DLGAP2: variants seen among roughly 807,000 people sequenced by gnomAD.
DLGAP2 encodes the protein DLG associated protein 2, also known as disks large-associated protein 2.
DLGAP2 carries 26 observed loss-of-function variants against 100.3 expected under a neutral mutation model. The ratio of observed to expected loss-of-function variants is 0.26; its 90% CI spans 0.19 to 0.36. The LOEUF (loss-of-function observed/expected upper bound fraction) is 0.36. Among genes scored for constraint, DLGAP2 ranks in the 10% least tolerant of loss-of-function variants. The pLI, the probability that DLGAP2 is intolerant of heterozygous loss-of-function variation, is 1.00. For missense variants in DLGAP2, 1,858 were observed against 1,453.2 expected (o/e 1.28, Z -4.53); for synonymous variants, 886 against 630.1 (o/e 1.41, Z -6.08).
intron 1 of DLGAP2, among the ~76,000 whole-genome samples, chr8:782,647 TGTC>T (rs1365377062): frequency 6.6e-6 from 1 of 152,222 alleles, no homozygotes; most frequent in Non-Finnish European, 1.5e-5. Context: ...AGAGTTTATG[TGTC>T]AAGGCAGTTG....
chr8:1,281,323 C>T (rs537811018), intron 3 of DLGAP2, among the ~76,000 whole-genome samples: 1 of 152,282 alleles, frequency 6.6e-6, no homozygotes, highest in Non-Finnish European at 1.5e-5. Context: ...GCCTCCGCCC[C>T]TCGCTCCCGG....
intron 1 of DLGAP2, among the ~76,000 whole-genome samples, chr8:741,068 T>C (rs1820469106): frequency 1.3e-5 from 2 of 152,192 alleles, no homozygotes; most frequent in African/African-American, 4.8e-5. Flanking sequence ...TACCAACTAG[T>C]TTTCATCATA....
At chr8:1,426,124 C>T (rs1797230584) in intron 3 of DLGAP2, among the ~76,000 whole-genome samples, 2 of 152,254 alleles carry the variant, frequency 1.3e-5, no homozygotes, top group Non-Finnish European at 2.9e-5. Context: ...AAGAAACCGG[C>T]TCAGCTGCTG....
intron 2 of DLGAP2, among the ~76,000 whole-genome samples, chr8:1,252,189 G>T (rs1441721002): frequency 1.3e-5 from 2 of 151,990 alleles, no homozygotes; most frequent in Non-Finnish European, 2.9e-5. Context: ...CGGTGTCACA[G>T]TCGTGTCATG....
At chr8:1,096,546 C>G (rs1485781292) in intron 2 of DLGAP2, among the ~76,000 whole-genome samples, 1 of 151,906 alleles carries the variant, frequency 6.6e-6, no homozygotes, top group South Asian at 2.1e-4. Flanking sequence ...AGGCCCACCT[C>G]CCTGTGCTCA....
At chr8:817,064 C>G (rs946810337) in intron 1 of DLGAP2, among the ~76,000 whole-genome samples, 2 of 151,374 alleles carry the variant, frequency 1.3e-5, no homozygotes, top group Non-Finnish European at 2.9e-5. Context: ...AGGTGTGAAC[C>G]TGGGAGGCGG....
At chr8:1,274,690 T>G (rs1799647441) in intron 3 of DLGAP2, among the ~76,000 whole-genome samples, 1 of 141,978 alleles carries the variant, frequency 7.0e-6, no homozygotes, top group Non-Finnish European at 1.5e-5. Flanking sequence ...GTTGTTTTCA[T>G]TTATCTTTTT....
intron 3 of DLGAP2, among the ~76,000 whole-genome samples, chr8:1,446,133 T>C (rs200741223): frequency 0.081 from 12,274 of 152,060 alleles, 740 homozygotes; most frequent in East Asian, 0.28. Flanking sequence ...TTGTTGCCAT[T>C]GCTTTTGGTG....
chr8:1,576,280 C>A (rs1414572997), intron 6 of DLGAP2, among the ~76,000 whole-genome samples: 1 of 152,188 alleles, frequency 6.6e-6, no homozygotes, highest in Admixed American at 6.5e-5. Context: ...TGAGAAGTGT[C>A]TGTTCATGTC....
At chr8:1,017,519 G>A (rs1402971371) in intron 2 of DLGAP2, among the ~76,000 whole-genome samples, 2 of 105,108 alleles carry the variant, frequency 1.9e-5, no homozygotes, top group Non-Finnish European at 1.9e-5. Flanking sequence ...CAGGACAGAC[G>A]CCTCCACTGT....
chr8:1,480,698 A>C (rs1356681092), intron 3 of DLGAP2, among the ~76,000 whole-genome samples: 1 of 143,696 alleles, frequency 7.0e-6, no homozygotes, highest in Non-Finnish European at 1.5e-5. Flanking sequence ...AATAATAATA[A>C]AAAAAAAAAC....
At chr8:1,460,465 G>T (rs1798441933) in intron 3 of DLGAP2, among the ~76,000 whole-genome samples, 1 of 152,152 alleles carries the variant, frequency 6.6e-6, no homozygotes, top group African/African-American at 2.4e-5. Flanking sequence ...TCGCTTTACT[G>T]ATGAAGCCAG....
intron 3 of DLGAP2, among the ~76,000 whole-genome samples, chr8:1,276,066 AAT>A (rs1299587676): frequency 2.1e-4 from 29 of 141,144 alleles, no homozygotes; most frequent in African/African-American, 7.3e-4. Context: ...TATAAAAATA[AAT>A]ATATAATATA....
intron 4 of DLGAP2, among the ~76,000 whole-genome samples, chr8:1,548,057 A>G (rs1262961544): frequency 1.3e-5 from 2 of 152,184 alleles, no homozygotes; most frequent in Non-Finnish European, 2.9e-5. Context: ...TAATACCACA[A>G]AATCCGGCTG....
At chr8:1,417,251 C>T (rs976232304) in intron 3 of DLGAP2, among the ~76,000 whole-genome samples, 1 of 113,128 alleles carries the variant, frequency 8.8e-6, no homozygotes, top group South Asian at 2.6e-4. Flanking sequence ...GTGGGGAGAC[C>T]GGCATTCATT....
intron 2 of DLGAP2, among the ~76,000 whole-genome samples, chr8:1,224,168 G>A: frequency 6.6e-6 from 1 of 152,154 alleles, no homozygotes. Context: ...AAGAGGAATT[G>A]CAAGAAAATG....
chr8:1,623,756 C>A (rs1377626511), intron 6 of DLGAP2, among the ~76,000 whole-genome samples: 1 of 152,218 alleles, frequency 6.6e-6, no homozygotes, highest in Non-Finnish European at 1.5e-5. Flanking sequence ...TGGGAAGAGG[C>A]CTGGTTTATA....
At chr8:1,525,102 G>T (rs1800747912) in intron 4 of DLGAP2, among the ~76,000 whole-genome samples, 1 of 149,910 alleles carries the variant, frequency 6.7e-6, no homozygotes, top group African/African-American at 2.5e-5. Flanking sequence ...GGTCCTTTTT[G>T]TACAGCTTCT....
chr8:1,005,763 G>A (rs1801091069), intron 2 of DLGAP2, among the ~76,000 whole-genome samples: 1 of 152,134 alleles, frequency 6.6e-6, no homozygotes, highest in Non-Finnish European at 1.5e-5. Flanking sequence ...CCTGGGAACT[G>A]CAGACACCAA....
Sources: allele counts gnomAD v4.1 joint callset (sites outside exome capture counted in the v4.1 genomes callset), GRCh38; gene constraint gnomAD v4.1.1; transcripts MANE v1.5; gene names NCBI Gene and HGNC (gene_info 2026-07-23, HGNC 2026-07-21).